Variants in DIAPH2 observed in about 807,000 individuals in gnomAD.
DIAPH2 encodes the protein diaphanous related formin 2, also known as protein diaphanous homolog 2.
Under a neutral mutation model 92.7 loss-of-function variants are expected in DIAPH2, and 35 were observed. The observed-to-expected ratio is 0.38, with a 90% CI of 0.29 to 0.50. The LOEUF is 0.50. DIAPH2 is among the 20% of genes least tolerant of loss of function. DIAPH2 has a pLI of 0.94. For synonymous variants in DIAPH2, 301 were observed against 280.4 expected (o/e 1.07, Z -0.73); for missense variants, 701 against 819.5 (o/e 0.86, Z 1.77).
chrX:96,840,565 C>A (rs2064928484), intron 4 of DIAPH2, among the ~76,000 whole-genome samples: 1 of 111,117 alleles, frequency 9.0e-6, no homozygotes, highest in Non-Finnish European at 1.9e-5. Flanking sequence ...TTCTTTCTCT[C>A]TTGAAGTAGC....
chrX:96,697,281 T>C (rs751355840), intron 1 of DIAPH2, among the ~76,000 whole-genome samples: 1 of 108,936 alleles, frequency 9.2e-6, no homozygotes, highest in South Asian at 4.1e-4. Flanking sequence ...AATCATTTTG[T>C]AGGTGAAGAA....
At chrX:97,431,787 G>A (rs1270085207) in intron 26 of DIAPH2, 2 of 112,177 alleles carry the variant, frequency 1.8e-5, no homozygotes, top group Non-Finnish European at 3.8e-5. Flanking sequence ...CTGGAAGTGA[G>A]GGAGTGGGGA....
chrX:97,087,519 C>A (rs781146155), intron 19 of DIAPH2, among the ~76,000 whole-genome samples: 2 of 111,572 alleles, frequency 1.8e-5, no homozygotes, highest in South Asian at 3.8e-4. Context: ...AAAAAAAATT[C>A]TTTTGGGTTT....
At chrX:97,425,679 GC>G (rs2070055218) in intron 25 of DIAPH2, among the ~76,000 whole-genome samples, 1 of 108,613 alleles carries the variant, frequency 9.2e-6, no homozygotes, top group African/African-American at 3.4e-5. Flanking sequence ...TACTTGGGAG[GC>G]TGAGGCAGGA....
At chrX:97,319,603 G>A (rs1208561482) in intron 23 of DIAPH2, among the ~76,000 whole-genome samples, 3 of 109,576 alleles carry the variant, frequency 2.7e-5, no homozygotes, top group Admixed American at 2.0e-4. Flanking sequence ...AGCTAGGATG[G>A]TCTCAATCTC....
At chrX:97,339,110 A>G (rs1404513387) in intron 23 of DIAPH2, among the ~76,000 whole-genome samples, 1 of 112,001 alleles carries the variant, frequency 8.9e-6, no homozygotes, top group African/African-American at 3.2e-5. Context: ...AAATTCATAT[A>G]TAGTCACACA....
At chrX:96,989,483 C>G (rs2066053982) in intron 17 of DIAPH2, among the ~76,000 whole-genome samples, 1 of 111,814 alleles carries the variant, frequency 8.9e-6, no homozygotes, top group Non-Finnish European at 1.9e-5. Context: ...CAACTTTATC[C>G]AGGACCATGG....
intron 23 of DIAPH2, among the ~76,000 whole-genome samples, chrX:97,316,096 G>A (rs748049531): frequency 2.7e-5 from 3 of 111,117 alleles, no homozygotes; most frequent in African/African-American, 6.5e-5. Context: ...GTGATCTCAC[G>A]ATGTTGAGAT....
At chrX:97,062,812 T>G (rs1189756084) in intron 17 of DIAPH2, among the ~76,000 whole-genome samples, 1 of 107,991 alleles carries the variant, frequency 9.3e-6, no homozygotes, top group East Asian at 2.9e-4. Flanking sequence ...GTGGGTGGAT[T>G]ACTTGAGGTC....
At chrX:97,065,330 G>A (rs1007941540) in intron 17 of DIAPH2, among the ~76,000 whole-genome samples, 1 of 111,626 alleles carries the variant, frequency 9.0e-6, no homozygotes, top group African/African-American at 3.3e-5. Flanking sequence ...AGGTTAACAG[G>A]AAACCACCTT....
chrX:96,951,288 C>T (rs1922100825), intron 15 of DIAPH2, among the ~76,000 whole-genome samples: 1 of 111,683 alleles, frequency 9.0e-6, no homozygotes, highest in African/African-American at 3.3e-5. Context: ...TAAGGAGAAG[C>T]TCATTAAGAC....
chrX:97,438,138 A>G (rs866442893), intron 26 of DIAPH2, among the ~76,000 whole-genome samples: 39 of 101,442 alleles, frequency 3.8e-4, no homozygotes, highest in African/African-American at 1.4e-3. Flanking sequence ...AAAAAAAAAG[A>G]AAAAAAAAAG....
chrX:97,036,290 T>G (rs1259215834), intron 17 of DIAPH2, among the ~76,000 whole-genome samples: 1 of 112,326 alleles, frequency 8.9e-6, no homozygotes, highest in Non-Finnish European at 1.9e-5. Flanking sequence ...TTTTATTATT[T>G]CGTATCTGAC....
intron 24 of DIAPH2, among the ~76,000 whole-genome samples, chrX:97,357,691 C>G (rs928869465): frequency 8.9e-6 from 1 of 111,879 alleles, no homozygotes; most frequent in Admixed American, 9.5e-5. Context: ...GTATGAATGG[C>G]TTAATGAATT....
chrX:96,762,964 C>A (rs1440336142), intron 4 of DIAPH2: 4 of 317,629 alleles, frequency 1.3e-5, no homozygotes, highest in African/African-American at 1.1e-4. Flanking sequence ...TCTAAAGTAT[C>A]AAAAATATAA....
intron 4 of DIAPH2, among the ~76,000 whole-genome samples, chrX:96,823,379 TAATC>T (rs1044172192): frequency 2.7e-4 from 30 of 111,271 alleles, no homozygotes; most frequent in African/African-American, 8.8e-4. Flanking sequence ...ATAATTTAAA[TAATC>T]TATATAATTA....
At chrX:96,948,657 G>A (rs1427826925) in intron 14 of DIAPH2, among the ~76,000 whole-genome samples, 3 of 111,748 alleles carry the variant, frequency 2.7e-5, no homozygotes, top group Non-Finnish European at 5.6e-5. Flanking sequence ...TGTTCATTAT[G>A]TGTGAAGAGA....
intron 23 of DIAPH2, among the ~76,000 whole-genome samples, chrX:97,283,584 C>T (rs1392547014): frequency 8.9e-6 from 1 of 112,539 alleles, no homozygotes; most frequent in Non-Finnish European, 1.9e-5. Context: ...CACATTTATG[C>T]TTATATGAGG....
intron 23 of DIAPH2, among the ~76,000 whole-genome samples, chrX:97,262,299 C>T (rs1329668005): frequency 9.0e-6 from 1 of 111,040 alleles, no homozygotes; most frequent in East Asian, 2.8e-4. Context: ...AAGGGAGTAA[C>T]ATTTAGGCAG....
Sources: allele counts gnomAD v4.1 joint callset (sites outside exome capture counted in the v4.1 genomes callset), GRCh38; gene constraint gnomAD v4.1.1; transcripts MANE v1.5; gene names NCBI Gene and HGNC (gene_info 2026-07-23, HGNC 2026-07-21).